Variants in CAPN13 observed in about 807,000 individuals in gnomAD.
The protein encoded by CAPN13 is calpain 13.
A neutral mutation model predicts 98.4 loss-of-function variants in CAPN13; 90 were observed. The observed-to-expected ratio is 0.92, with a 90% CI of 0.77 to 1.09. The LOEUF (loss-of-function observed/expected upper bound fraction) is 1.09. CAPN13 is among the 50% of genes least tolerant of loss of function. CAPN13 has a pLI of 0.00. For missense variants in CAPN13, 887 were observed against 841.3 expected, an observed-to-expected ratio of 1.05 and a Z score of -0.67; for synonymous variants, 330 against 305.5, an observed-to-expected ratio of 1.08 and a Z score of -0.84.
intron 22 of CAPN13, among the ~76,000 whole-genome samples, chr2:30,726,535 C>T (rs79128052): frequency 0.014 from 2,142 of 152,170 alleles, 56 homozygotes; most frequent in African/African-American, 0.049. Flanking sequence ...AGCAAGGTTG[C>T]AGGATATAAG....
chr2:30,741,190 G>C (rs1671635256), intron 15 of CAPN13, among the ~76,000 whole-genome samples: 2 of 152,166 alleles, frequency 1.3e-5, no homozygotes, highest in African/African-American at 4.8e-5. Flanking sequence ...ACTCATTCCA[G>C]CCACATTCTT....
intron 21 of CAPN13, 77 bp from the exon 22 acceptor site, chr2:30,730,863 C>T (rs1420956694): frequency 1.3e-6 from 1 of 774,862 alleles, no homozygotes; most frequent in East Asian, 2.4e-5. Context: ...ATGCCACCCT[C>T]CTCCCTCGGA....
chr2:30,738,139 G>T, intron 17 of CAPN13, 96 bp downstream of exon 17: 1 of 1,284,844 alleles, frequency 7.8e-7, no homozygotes, highest in Non-Finnish European at 1.1e-6. Context: ...AATACTGAGT[G>T]GGAAAAGGGT....
At chr2:30,791,728 A>T (rs1674618425) in intron 1 of CAPN13, among the ~76,000 whole-genome samples, 1 of 152,216 alleles carries the variant, frequency 6.6e-6, no homozygotes. Context: ...TACACACTAA[A>T]CACCTGTTTC....
At chr2:30,727,804 C>T (rs1558603189) in intron 22 of CAPN13, among the ~76,000 whole-genome samples, 2 of 152,106 alleles carry the variant, frequency 1.3e-5, no homozygotes, top group Non-Finnish European at 2.9e-5. Context: ...CCACTCATAA[C>T]TATACACCCA....
At chr2:30,759,937 G>A (rs886152382) in intron 7 of CAPN13, among the ~76,000 whole-genome samples, 4 of 152,158 alleles carry the variant, frequency 2.6e-5, no homozygotes, top group Admixed American at 6.5e-5. Context: ...GCTCTTTTCT[G>A]TTGCTTCCCT....
chr2:30,802,708 A>C (rs1675362321), intron 1 of CAPN13, among the ~76,000 whole-genome samples: 1 of 152,064 alleles, frequency 6.6e-6, no homozygotes, highest in South Asian at 2.1e-4. Flanking sequence ...TGGCCTAAAA[A>C]CCAGCTCTTG....
chr2:30,742,630 A>AGATAGGCTCT (rs1395040496), intron 13 of CAPN13, among the ~76,000 whole-genome samples: 2 of 152,218 alleles, frequency 1.3e-5, no homozygotes, highest in Non-Finnish European at 2.9e-5. Flanking sequence ...TCAGTATGGC[A>AGATAGGCTCT]GATAGGCTCT....
chr2:30,738,503 A>G, intron 15 of CAPN13, 46 bp from the exon 16 acceptor site: 1 of 1,553,392 alleles, frequency 6.4e-7, no homozygotes, highest in Non-Finnish European at 8.8e-7. Flanking sequence ...CAGTGCCAGG[A>G]TCTGAGAGGC....
At chr2:30,803,474 G>A (rs904157503) in intron 1 of CAPN13, among the ~76,000 whole-genome samples, 2 of 152,214 alleles carry the variant, frequency 1.3e-5, no homozygotes, top group African/African-American at 4.8e-5. Flanking sequence ...TCAGAGGGCA[G>A]AGTGCTGCCA....
At chr2:30,798,066 A>T (rs750735464) in intron 1 of CAPN13, among the ~76,000 whole-genome samples, 1 of 152,236 alleles carries the variant, frequency 6.6e-6, no homozygotes, top group South Asian at 2.1e-4. Flanking sequence ...GATTTTGATT[A>T]GACTCTGCAA....
At chr2:30,799,586 G>A (rs1675068532) in intron 1 of CAPN13, among the ~76,000 whole-genome samples, 1 of 152,172 alleles carries the variant, frequency 6.6e-6, no homozygotes, top group Non-Finnish European at 1.5e-5. Context: ...TTCAAAGCTG[G>A]GGTGATCTGG....
rs1383873052 is a variant in CAPN13, at chr2:30,743,524, T to C, written c.1304A>G (p.Gln435Arg). The change falls in exon 13 of 23, where the codon CAA (glutamine) becomes CGA (arginine). Residue 435 changes from glutamine (Q) to arginine (R), a missense_variant. Coordinates refer to ENST00000295055, the MANE Select transcript of CAPN13 (RefSeq NM_144575.3). Reference sequence around the variant, plus strand: ...GCGGCGGAATTTATTATTTGAGCTTTGGACAGTGTTTCTGAACGAGGAAAA... The same window carrying C: ...GCGGCGGAATTTATTATTTGAGCTTCGGACAGTGTTTCTGAACGAGGAAAA... ...VFFSSFRNTV[Q>R]SSNNKFRRNF... is the part of the protein sequence containing the mutation. 1.2e-6 allele frequency: 2 copies of C among 1,613,874 alleles called. No individual in the cohort carries two copies. Among genetic ancestry groups the C allele is most frequent in the African/African-American group, 2.7e-5 (2 of 74,904 alleles).
intron 7 of CAPN13, among the ~76,000 whole-genome samples, chr2:30,760,276 G>T (rs1053132334): frequency 6.6e-6 from 1 of 152,144 alleles, no homozygotes; most frequent in Non-Finnish European, 1.5e-5. Context: ...TAGTAGAGAC[G>T]GGGTTTCACC....
Position 30,782,917 on chromosome 2 carries a change from T to C in CAPN13, c.198+4211A>G, listed in dbSNP as rs554147207. Among the ~76,000 whole-genome samples the C allele has an allele frequency of 3.9e-5, 6 of 152,298 alleles. No individual in the cohort carries two copies. The South Asian group carries it at 1.2e-3, about 32-fold the overall frequency. ...TAAATTAATTTAAATTCAATAAAAG[T>C]TAAACCTTTAATCCCTCAGTTGCAT... On this transcript the variant is annotated intron_variant, in intron 2 of 22. Transcript: ENST00000295055.
intron 4 of CAPN13, among the ~76,000 whole-genome samples, chr2:30,772,443 T>C (rs1053406468): frequency 6.6e-6 from 1 of 152,184 alleles, no homozygotes; most frequent in Non-Finnish European, 1.5e-5. Context: ...TGTGTGACTT[T>C]ATTCACCACC....
intron 18 of CAPN13, 38 bp downstream of exon 18, chr2:30,736,465 C>A: frequency 6.2e-7 from 1 of 1,604,100 alleles, no homozygotes. Flanking sequence ...GCTAACTGGA[C>A]AGAATGAGAG....
At chr2:30,771,749 T>A (rs563471146) in intron 4 of CAPN13, among the ~76,000 whole-genome samples, 2 of 152,220 alleles carry the variant, frequency 1.3e-5, no homozygotes, top group African/African-American at 4.8e-5. Context: ...TGTAGTTGAA[T>A]GCTGGTCTTG....
At chr2:30,736,868 G>T (rs770405808) in intron 17 of CAPN13, among the ~76,000 whole-genome samples, 1 of 152,212 alleles carries the variant, frequency 6.6e-6, no homozygotes, top group Non-Finnish European at 1.5e-5. Context: ...GTTGGAGTGG[G>T]CCCTCTGGCT....
Sources: gnomAD v4.1 joint callset for allele counts (sites outside exome capture counted in the v4.1 genomes callset) on GRCh38, gnomAD v4.1.1 for gene constraint, MANE v1.5 for transcripts, NCBI Gene and HGNC (gene_info 2026-07-23, HGNC 2026-07-21) for gene names.